FXR2: variants seen among roughly 807,000 people sequenced by gnomAD.
FXR2 encodes the protein RNA-binding protein FXR2.
A neutral mutation model predicts 87.3 loss-of-function variants in FXR2; 9 were observed. The ratio of observed to expected loss-of-function variants is 0.10; its 90% confidence interval spans 0.06 to 0.18. FXR2 has a LOEUF of 0.18. Among genes scored for constraint, FXR2 ranks in the 10% least tolerant of loss-of-function variants. The pLI is 1.00. For missense variants in FXR2, 661 were observed against 893.6 expected, an observed-to-expected ratio of 0.74 and a Z score of 3.32; for synonymous variants, 331 against 328.3, an observed-to-expected ratio of 1.01 and a Z score of -0.09.
Position 7,595,803 on chromosome 17 carries a change from A to G in FXR2, c.831+21T>C. 2 of 1,605,438 alleles carry G rather than the reference A, an allele frequency of 1.2e-6. No homozygotes were observed. Among genetic ancestry groups the G allele is most frequent in the South Asian group, 1.1e-5 (1 of 90,836 alleles). ...CCCTCTATCCCCTAAGAGACCCAGA[A>G]GAAAGACATCCTTTGCTGACCTCCC... On this transcript the variant is annotated intron_variant, in intron 8 of 16. Coordinates refer to ENST00000250113, the MANE Select transcript of FXR2 (RefSeq NM_004860.4). This position sits in a 1 kb window ranked among gnomAD's most constrained non-coding sequence, Gnocchi z 4.7.
chr17:7,596,134 A>C, intron 7 of FXR2, 140 bp from the exon 8 acceptor site: 1 of 679,472 alleles, frequency 1.5e-6, no homozygotes, highest in South Asian at 1.9e-5. Context: ...GCGGACCACG[A>C]GGACCTGTGT....
chr17:7,612,904 G>C (rs2071882211), intron 1 of FXR2, among the ~76,000 whole-genome samples: 1 of 148,464 alleles, frequency 6.7e-6, no homozygotes, highest in East Asian at 2.1e-4. Context: ...GCTGAGGCAG[G>C]AGAATGGCGC....
rs746972144 is a variant in FXR2, at chr17:7,593,437, A to ACGGCCC, written c.1290_1295dup (p.Gly435_Arg436dup). ...GACCGCCTGTCCTCCGGCCACGGCC[A>ACGGCCC]CGGCCCCCATAGCTGCCCCCATAGG... On this transcript the variant is annotated inframe_insertion, in exon 12 of 17. Transcript: ENST00000250113. The surrounding 1 kb of genome is among the most constrained non-coding windows in gnomAD (Gnocchi z 6.1). The ACGGCCC allele has an allele frequency of 8.2e-6, 13 of 1,584,950 alleles. No homozygotes were observed. In the South Asian group the frequency reaches 1.0e-4, roughly 13 times the overall value.
In FXR2 at chr17:7,592,766, T is replaced by C; in HGVS notation, c.1657A>G (p.Thr553Ala). The part of the protein sequence containing the change: ...ARRRRSRRRR[T>A]DEDRTVMDGG... ...TCCATGACGGTCCTGTCTTCATCAG[T>C]GCGGCGGCGGCGGGAGCGGCGGCGC... Residue 553 changes from threonine to alanine, a missense_variant, in exon 14 of 17, where the codon ACT (threonine) becomes GCT (alanine). Thr to Ala is a moderately conservative substitution (Grantham distance 58). Around this residue, in one of 3 missense-constraint regions of FXR2, gnomAD observed 409 missense variants for 432.0 expected, o/e 0.95. Transcript: ENST00000250113. The surrounding 1 kb of genome is among the most constrained non-coding windows in gnomAD (Gnocchi z 4.8). 1 of 1,613,248 alleles carries C rather than the reference T, an allele frequency of 6.2e-7. No homozygotes were observed. Among genetic ancestry groups the C allele is most frequent in the Non-Finnish European group, 8.5e-7 (1 of 1,179,648 alleles).
chr17:7,608,066 C>G (rs1372859831), intron 1 of FXR2, among the ~76,000 whole-genome samples: 1 of 152,106 alleles, frequency 6.6e-6, no homozygotes, highest in Non-Finnish European at 1.5e-5. Flanking sequence ...GCTGGGATTA[C>G]AGGTATGAAC....
rs943385238 is a variant in FXR2 at position 7,614,627 on chromosome 17, G to A, written c.-95C>T. On this transcript the variant is annotated 5_prime_UTR_variant, in exon 1 of 17. Transcript: ENST00000250113. The stretch of plus-strand genomic sequence containing the variant: ...CCCCCGGCGTCTCCCCGGAGGAGGA[G>A]CCGGAGGGGGAGCCGCGGGGGGCGG... 1.4e-6 allele frequency: 1 copy of A among 698,084 alleles called. No individual in the cohort carries two copies. Among genetic ancestry groups the A allele is most frequent in the Non-Finnish European group, 2.0e-6 (1 of 502,394 alleles). The allele number at this position is 698,084 out of a possible 1,614,324, so 43.2% of individuals were successfully genotyped here.
rs773338628 is a variant in FXR2 at position 7,595,989 on chromosome 17, G to A, written c.666C>T (p.Ser222=). The A allele has an allele frequency of 1.9e-6, 3 of 1,612,396 alleles. No individual in the cohort carries two copies. The highest frequency in any genetic ancestry group is 2.5e-6 in the Non-Finnish European group (3 of 1,178,728). The change falls in exon 8 of 17, where the codon AGC becomes AGT. Residue 222 remains serine, a synonymous_variant. Transcript: ENST00000250113. The surrounding 1 kb of genome is among the most constrained non-coding windows in gnomAD (Gnocchi z 4.7). ...CTTGGAAGGCTGCTGCCAACTGCTT[G>A]CTTGTCTGAAAGGAAAAGTCACTGT... ...NEEATKHLET[S]KQLAAAFQEE...
chr17:7,602,248 CCT>C (rs1197873052), intron 6 of FXR2, among the ~76,000 whole-genome samples: 1 of 152,020 alleles, frequency 6.6e-6, no homozygotes, highest in Admixed American at 6.6e-5. Context: ...ATGGTGAAAC[CCT>C]GTTTCTACTA....
rs193129427 is a variant in FXR2, at chr17:7,592,648, G to C, written c.1729+46C>G. On this transcript the variant is annotated intron_variant, in intron 14 of 16. Transcript: ENST00000250113. This position sits in a 1 kb window ranked among gnomAD's most constrained non-coding sequence, Gnocchi z 4.8. ...GTCACACATCCAACCTCCCACCCTC[G>C]ATTCCTACCCATCTCTAACTTTCCA... 1 of 1,611,828 alleles carries C rather than the reference G, an allele frequency of 6.2e-7. No homozygotes were observed. The highest frequency in any genetic ancestry group is 1.3e-5 in the African/African-American group (1 of 74,782).
At chr17:7,601,006 C>T (rs1282702937) in intron 7 of FXR2, among the ~76,000 whole-genome samples, 1 of 151,044 alleles carries the variant, frequency 6.6e-6, no homozygotes, top group Non-Finnish European at 1.5e-5. Context: ...ATGGCAAAAC[C>T]CCATCTTACT....
At position 7,594,756 on chromosome 17, in the gene FXR2, G is replaced by C. The variant is rs368387062; in HGVS notation, c.833C>G (p.Thr278Ser). ...ETCTFRIYGETPEACRQARSY... is the reference protein window; with the variant it reads ...ETCTFRIYGESPEACRQARSY... ...TCGGGCCTGTCGGCAAGCCTCGGGA[G>C]TCTAAAGGAAGAACAGCAGGGAGTT... is the stretch of plus-strand genomic sequence containing the variant. Residue 278 changes from threonine (T) to serine (S), a missense_variant and splice_region_variant, in exon 9 of 17, where the codon ACT becomes AGT. Physicochemically the swap from Thr to Ser is moderately conservative, Grantham distance 58. This residue lies in a region of FXR2 where 82 missense variants were observed against 214.4 expected (regional missense o/e 0.38). Coordinates refer to ENST00000250113, the MANE Select transcript of FXR2 (RefSeq NM_004860.4). This position sits in a 1 kb window ranked among gnomAD's most constrained non-coding sequence, Gnocchi z 5.1. The C allele has an allele frequency of 6.2e-7, 1 of 1,602,204 alleles. No individual in the cohort carries two copies. The highest frequency in any genetic ancestry group is 8.6e-7 in the Non-Finnish European group (1 of 1,169,330).
chr17:7,610,987 G>A (rs190834542), intron 1 of FXR2, among the ~76,000 whole-genome samples: 1 of 152,332 alleles, frequency 6.6e-6, no homozygotes, highest in East Asian at 1.9e-4. Flanking sequence ...GGGGTTCTAG[G>A]AGAAGAGCAG....
chr17:7,601,131 A>T (rs2071752115), intron 7 of FXR2, among the ~76,000 whole-genome samples: 3 of 151,530 alleles, frequency 2.0e-5, no homozygotes. Flanking sequence ...GTGAGCCGAG[A>T]TCGTGTCATT....
Position 7,603,011 on chromosome 17 carries a change from G to C in FXR2, c.450-9C>G. On this transcript the variant is annotated splice_polypyrimidine_tract_variant and intron_variant, in intron 5 of 16. Transcript: ENST00000250113. ...CGTTTTCATTGGAGCAGCTGCAGAG[G>C]AAAAAAGTACTCAGCGGGCAGAATG... is the stretch of plus-strand genomic sequence containing the variant. The C allele has an allele frequency of 1.4e-6, 2 of 1,467,026 alleles. No individual in the cohort carries two copies. Among genetic ancestry groups the C allele is most frequent in the South Asian group, 1.2e-5 (1 of 85,558 alleles). 90.9% of individuals were successfully genotyped at this position (1,467,026 alleles called of 1,614,324 possible).
chr17:7,598,544 C>A (rs900387478), intron 7 of FXR2, among the ~76,000 whole-genome samples: 2 of 152,194 alleles, frequency 1.3e-5, no homozygotes, highest in African/African-American at 4.8e-5. Context: ...AATCCCCCCT[C>A]CTCAGCCTAC....
intron 1 of FXR2, among the ~76,000 whole-genome samples, chr17:7,609,951 TATAC>T (rs1352168252): frequency 9.0e-5 from 9 of 99,690 alleles, no homozygotes; most frequent in South Asian, 3.0e-4. Context: ...CATGTATATG[TATAC>T]ATATATATAC....
intron 1 of FXR2, chr17:7,613,948 A>T (rs2071903231): frequency 2.3e-6 from 1 of 431,992 alleles, no homozygotes; most frequent in African/African-American, 2.0e-5. Flanking sequence ...ACCGGAATAT[A>T]AGATGAAAGT....
rs115150806 is a variant in FXR2 at position 7,614,406 on chromosome 17, G to A, written c.81+46C>T. ...CCCCACGCGTTCCTGCTCCGGCCAG[G>A]GGAGGGGGCTAAGGACCGGCGTCCC... On this transcript the variant is annotated intron_variant, in intron 1 of 16. Coordinates refer to ENST00000250113, the MANE Select transcript of FXR2 (RefSeq NM_004860.4). 2,293 of 1,375,934 alleles carry A rather than the reference G, an allele frequency of 1.7e-3. 45 individuals carry two copies. In the African/African-American group the frequency reaches 0.028, roughly 17 times the overall value. 85.2% of individuals were successfully genotyped at this position (1,375,934 alleles called of 1,614,324 possible). A position where few individuals can be genotyped will look rare whatever the true frequency, so the allele number is the denominator to read the frequency against.
Position 7,596,053 on chromosome 17 carries a change from C to T in FXR2, c.661-59G>A, listed in dbSNP as rs960155635. Reference sequence around the variant, plus strand: ...GTAGAATCTCACAGTCCCAGGCACACGACCCTTTGCATAACTTAAATAAGG... The same window carrying T: ...GTAGAATCTCACAGTCCCAGGCACATGACCCTTTGCATAACTTAAATAAGG... On this transcript the variant is annotated intron_variant, in intron 7 of 16. Coordinates refer to ENST00000250113, the MANE Select transcript of FXR2 (RefSeq NM_004860.4). 3.2e-5 allele frequency: 42 copies of T among 1,303,082 alleles called. 1 individual carries two copies. In the South Asian group the frequency reaches 4.0e-4, roughly 12 times the overall value. 80.7% of individuals were successfully genotyped at this position (1,303,082 alleles called of 1,614,324 possible).
Sources: allele counts gnomAD v4.1 joint callset (sites outside exome capture counted in the v4.1 genomes callset), GRCh38; gene constraint gnomAD v4.1.1; regional missense constraint gnomAD v4.1.1; non-coding constraint Gnocchi (gnomAD v3.1); transcripts MANE v1.5; gene names NCBI Gene and HGNC (gene_info 2026-07-23, HGNC 2026-07-21).